Variants in VAV2 observed in about 807,000 individuals in gnomAD.
VAV2 encodes vav guanine nucleotide exchange factor 2.
VAV2 carries 67 observed loss-of-function variants against 132.5 expected under a neutral mutation model. The observed-to-expected ratio is 0.51, with a 90% CI of 0.42 to 0.62. The LOEUF (loss-of-function observed/expected upper bound fraction) is 0.62, where lower values mean the gene tolerates loss of function less well. VAV2 is among the 20% of genes least tolerant of loss of function. VAV2 has a pLI of 0.00. For synonymous variants in VAV2, 492 were observed against 443.5 expected, an observed-to-expected ratio of 1.11 and a Z score of -1.37; for missense variants, 938 against 1,153.6, an observed-to-expected ratio of 0.81 and a Z score of 2.71.
chr9:133,855,688 T>G (rs1223525309), intron 3 of VAV2, among the ~76,000 whole-genome samples: 3 of 152,214 alleles, frequency 2.0e-5, no homozygotes, highest in Non-Finnish European at 4.4e-5. Flanking sequence ...CTTGAAGCCA[T>G]AAGGAAATGC....
chr9:133,902,412 G>A (rs1334767135), intron 2 of VAV2, among the ~76,000 whole-genome samples: 2 of 152,200 alleles, frequency 1.3e-5, no homozygotes, highest in Non-Finnish European at 1.5e-5. Flanking sequence ...GATTTGCGGA[G>A]CCTGAAATGC....
At chr9:133,978,364 G>A (rs1275374913) in intron 1 of VAV2, among the ~76,000 whole-genome samples, 1 of 152,190 alleles carries the variant, frequency 6.6e-6, no homozygotes, top group Non-Finnish European at 1.5e-5. Flanking sequence ...AGACAGGCAG[G>A]CACCCCCTCC....
Position 133,862,788 on chromosome 9 carries a change from C to T in VAV2, c.322-1356G>A, listed in dbSNP as rs78554386. On this transcript the variant is annotated intron_variant, in intron 2 of 29. Coordinates refer to ENST00000371850, the MANE Select transcript of VAV2 (RefSeq NM_001134398.2). ...AGGAAAACCGAGGATCGGTCACTTG[C>T]CCAAAGCTCCCCAGCCAGATGCACT... 3.3e-3 allele frequency among the ~76,000 whole-genome samples: 509 copies of T among 152,320 alleles called. 5 individuals are homozygous for T. Among genetic ancestry groups the T allele is most frequent in the African/African-American group, 0.011 (473 of 41,564 alleles).
intron 2 of VAV2, among the ~76,000 whole-genome samples, chr9:133,893,091 C>T (rs772195144): frequency 4.6e-5 from 7 of 152,186 alleles, no homozygotes; most frequent in Admixed American, 6.5e-5. Context: ...GAGGACAGCA[C>T]GGTCCAAGAT....
intron 3 of VAV2, among the ~76,000 whole-genome samples, chr9:133,851,304 G>GCTC (rs1029082715): frequency 6.6e-6 from 1 of 152,054 alleles, no homozygotes; most frequent in East Asian, 1.9e-4. Context: ...CAGAGTGGCA[G>GCTC]CTCCTCCTCC....
At chr9:133,795,233 G>A (rs1834659672) in intron 12 of VAV2, among the ~76,000 whole-genome samples, 1 of 152,228 alleles carries the variant, frequency 6.6e-6, no homozygotes, top group African/African-American at 2.4e-5. Flanking sequence ...AGGCATGGCT[G>A]GCTGGGGGCC....
intron 1 of VAV2, among the ~76,000 whole-genome samples, chr9:133,989,681 T>C (rs1223658482): frequency 6.6e-6 from 1 of 151,818 alleles, no homozygotes; most frequent in Non-Finnish European, 1.5e-5. Flanking sequence ...CAAGACTCCA[T>C]CTCCAAAAAG....
chr9:133,925,117 C>G (rs1168210621), intron 2 of VAV2, among the ~76,000 whole-genome samples: 1 of 152,246 alleles, frequency 6.6e-6, no homozygotes, highest in East Asian at 1.9e-4. Flanking sequence ...AATTCCAGAA[C>G]AAGACAGAGG....
rs903565601 is a variant in VAV2 at position 133,768,959 on chromosome 9, C to A, written c.2435-363G>T. ...AATCCTGATAGACAGGTGACAATGA[C>A]CATGGCTGAGGGCGAAACACACACA... On this transcript the variant is annotated intron_variant, in intron 28 of 29. Transcript: ENST00000371850. This position sits in a 1 kb window ranked among gnomAD's most constrained non-coding sequence, Gnocchi z 5.3. 1.3e-5 allele frequency among the ~76,000 whole-genome samples: 2 copies of A among 152,174 alleles called. No homozygotes were observed. Among genetic ancestry groups the A allele is most frequent in the Admixed American group, 6.5e-5 (1 of 15,276 alleles).
intron 20 of VAV2, among the ~76,000 whole-genome samples, chr9:133,780,243 G>A (rs1164532903): frequency 1.3e-5 from 2 of 152,324 alleles, no homozygotes; most frequent in East Asian, 3.9e-4. Context: ...GCTTTGTGGT[G>A]TCCATCTGGG....
At position 133,804,382 on chromosome 9, in the gene VAV2, A is replaced by G. The variant is rs1314958239; in HGVS notation, c.836+1699T>C. Among the ~76,000 whole-genome samples, 1 of 152,194 alleles carries G rather than the reference A, an allele frequency of 6.6e-6. No homozygotes were observed. The highest frequency in any genetic ancestry group is 1.5e-5 in the Non-Finnish European group (1 of 68,028). ...GCTCTTGGGCTGGGCCTGTGACTGG[A>G]CGTGCTGCCCGCACTGCAGTGGCGC... On this transcript the variant is annotated intron_variant, in intron 9 of 29. Transcript: ENST00000371850. This position sits in a 1 kb window ranked among gnomAD's most constrained non-coding sequence, Gnocchi z 4.5.
At chr9:133,799,778 T>TA (rs1195941989) in intron 9 of VAV2, among the ~76,000 whole-genome samples, 171 of 151,336 alleles carry the variant, frequency 1.1e-3, no homozygotes, top group African/African-American at 2.3e-3. Flanking sequence ...TTTCCCCTTT[T>TA]AAAAAAAAAT....
intron 4 of VAV2, among the ~76,000 whole-genome samples, chr9:133,817,428 G>A (rs545856263): frequency 4.6e-4 from 70 of 152,064 alleles, no homozygotes; most frequent in African/African-American, 1.5e-3. Context: ...CGAGGTGGGT[G>A]GATCACCTGA....
rs869054578 is a variant in VAV2, at chr9:133,763,802, GC to G, written c.*259del. ...GAGCCTGGCTCGCAGCGCTGTCGGT[GC>G]CCCCTCCTCTGCGCTCTGGGTGGGG... On this transcript the variant is annotated 3_prime_UTR_variant, in exon 30 of 30. Coordinates refer to ENST00000371850, the MANE Select transcript of VAV2 (RefSeq NM_001134398.2). The surrounding 1 kb of genome is among the most constrained non-coding windows in gnomAD (Gnocchi z 6.8). 3.8e-5 allele frequency: 19 copies of G among 504,808 alleles called. No individual in the cohort carries two copies. Among genetic ancestry groups the G allele is most frequent in the African/African-American group, 2.9e-4 (15 of 51,470 alleles). 31.3% of individuals were successfully genotyped at this position (504,808 alleles called of 1,614,324 possible). A position where few individuals can be genotyped will look rare whatever the true frequency, so the allele number is the denominator to read the frequency against.
At chr9:133,862,311 G>A (rs576774429) in intron 2 of VAV2, among the ~76,000 whole-genome samples, 4 of 152,358 alleles carry the variant, frequency 2.6e-5, no homozygotes, top group Non-Finnish European at 5.9e-5. Context: ...GGAACCCGCG[G>A]TGGGGGACAG....
chr9:133,843,870 C>T (rs528588885), intron 3 of VAV2, among the ~76,000 whole-genome samples: 9 of 152,036 alleles, frequency 5.9e-5, no homozygotes, highest in East Asian at 1.9e-4. Context: ...CATGGAGTGG[C>T]GGGTTGGAAG....
chr9:133,796,650 T>C, intron 10 of VAV2, 126 bp from the exon 11 acceptor site: 1 of 811,930 alleles, frequency 1.2e-6, no homozygotes, highest in Non-Finnish European at 1.9e-6. Context: ...TTGGCCCTTC[T>C]CTAGCCAGGC....
intron 3 of VAV2, among the ~76,000 whole-genome samples, chr9:133,837,565 G>T (rs535182782): frequency 6.6e-6 from 1 of 152,026 alleles, no homozygotes; most frequent in Non-Finnish European, 1.5e-5. Context: ...CGGGCGCGGT[G>T]GTGGGCGCCT....
rs1309260375 is a variant in VAV2 at position 133,992,287 on chromosome 9, C to T, written c.-9G>A. Reference sequence around the variant, plus strand: ...TGCCGCCACTGCTCCATGGCGCCCGCGGGCCCGACCGGCTCAGGGCAGTGC... The same window carrying T: ...TGCCGCCACTGCTCCATGGCGCCCGTGGGCCCGACCGGCTCAGGGCAGTGC... On this transcript the variant is annotated 5_prime_UTR_variant, in exon 1 of 30. Transcript: ENST00000371850. This position sits in a 1 kb window ranked among gnomAD's most constrained non-coding sequence, Gnocchi z 5.5. 2.6e-6 allele frequency: 4 copies of T among 1,523,376 alleles called. No individual in the cohort carries two copies. Among genetic ancestry groups the T allele is most frequent in the Admixed American group, 3.9e-5 (2 of 50,944 alleles). The allele number at this position is 1,523,376 out of a possible 1,614,324, so 94.4% of individuals were successfully genotyped here.
Sources: gnomAD v4.1 joint callset for allele counts (sites outside exome capture counted in the v4.1 genomes callset) on GRCh38, gnomAD v4.1.1 for gene constraint, Gnocchi (gnomAD v3.1) non-coding constraint, MANE v1.5 for transcripts, NCBI Gene and HGNC (gene_info 2026-07-23, HGNC 2026-07-21) for gene names.